The following RDH5 variants were observed in gnomAD, a reference collection of about 807,000 sequenced individuals.
RDH5 encodes the protein retinol dehydrogenase 5.
RDH5 carries 25 observed loss-of-function variants against 24.0 expected under a neutral mutation model. The ratio of observed to expected loss-of-function variants is 1.04; its 90% CI spans 0.76 to 1.46. The LOEUF is 1.46. RDH5 is among the 40% of genes most tolerant of loss of function. The probability of loss-of-function intolerance (pLI) is 0.00; values close to 1 mark genes in which losing one functional copy is unlikely to be tolerated. For missense variants in RDH5, 369 were observed against 410.3 expected, an observed-to-expected ratio of 0.90 and a Z score of 0.87; for synonymous variants, 170 against 175.2, an observed-to-expected ratio of 0.97 and a Z score of 0.23.
intron 4 of RDH5, 39 bp from the exon 5 acceptor site, chr12:55,724,283 A>G (rs769090164): frequency 6.2e-7 from 1 of 1,607,790 alleles, no homozygotes; most frequent in South Asian, 1.1e-5. Context: ...GGCTGGAGTG[A>G]GGAAGGGAAA....
In RDH5 at chr12:55,721,076, C is replaced by A; in HGVS notation, c.-32-77C>A. The A allele has an allele frequency of 1.0e-6, 1 of 969,300 alleles. No homozygotes were observed. The highest frequency in any genetic ancestry group is 1.7e-6 in the Non-Finnish European group (1 of 599,622). 60.0% of individuals were successfully genotyped at this position (969,300 alleles called of 1,614,324 possible). ...TTTCTCAATATGCTCACACCAGATGCTTCCAGCTAGGGAGGGTATTAGGGG... is the reference window on the plus strand; with the variant it reads ...TTTCTCAATATGCTCACACCAGATGATTCCAGCTAGGGAGGGTATTAGGGG... On this transcript the variant is annotated intron_variant, in intron 1 of 4. Coordinates refer to ENST00000257895, the MANE Select transcript of RDH5 (RefSeq NM_002905.5). The surrounding 1 kb of genome is among the most constrained non-coding windows in gnomAD (Gnocchi z 4.7).
chr12:55,721,705 G>T lies in RDH5; in HGVS notation c.327G>T (p.Val109=). The change falls in exon 3 of 5, where the codon GTG becomes GTT. Residue 109 remains valine (V), a synonymous_variant. Transcript: ENST00000257895. This position sits in a 1 kb window ranked among gnomAD's most constrained non-coding sequence, Gnocchi z 4.7. ...TCCCCACAGGGCTTTTTGGTCTGGT[G>T]AATAATGCTGGTGTGGCTGGTATCA... is the stretch of plus-strand genomic sequence containing the variant. ...HVKEAGLFGL[V]NNAGVAGIIG... 1 of 1,612,180 alleles carries T rather than the reference G, an allele frequency of 6.2e-7. No homozygotes were observed. The highest frequency in any genetic ancestry group is 8.5e-7 in the Non-Finnish European group (1 of 1,180,024).
intron 1 of RDH5, chr12:55,720,892 A>AAG: frequency 3.0e-6 from 1 of 338,016 alleles, no homozygotes; most frequent in Non-Finnish European, 5.5e-6. Flanking sequence ...TCAAAAAAAA[A>AAG]AAAAAAAAAA....
Position 55,723,955 on chromosome 12 carries a change from C to A in RDH5, c.639C>A (p.Thr213=), listed in dbSNP as rs750411725. The part of the protein sequence containing the change: ...VEPGFFRTPV[T]NLESLEKTLQ... ...CTGGCTTCTTCCGAACCCCTGTGAC[C>A]AACCTGGAGAGTCTGGAGAAAACCC... Residue 213 remains threonine (T), a synonymous_variant, in exon 4 of 5, where the codon ACC becomes ACA. Coordinates refer to ENST00000257895, the MANE Select transcript of RDH5 (RefSeq NM_002905.5). 2 of 1,614,154 alleles carry A rather than the reference C, an allele frequency of 1.2e-6. No homozygotes were observed. The highest frequency in any genetic ancestry group is 2.2e-5 in the South Asian group (2 of 91,090).
chr12:55,724,054 G>A lies in RDH5; in HGVS notation c.733+5G>A. 1 of 1,608,034 alleles carries A rather than the reference G, an allele frequency of 6.2e-7. No individual in the cohort carries two copies. The highest frequency in any genetic ancestry group is 8.5e-7 in the Non-Finnish European group (1 of 1,179,324). On this transcript the variant is annotated splice_donor_5th_base_variant and intron_variant, in intron 4 of 4. Transcript: ENST00000257895. Reference sequence around the variant, plus strand: ...GGGGGGCCTTCCTCACCAAGTGTGAGTAGCCAGGCCCACACAGGGGCACAT... The same window carrying A: ...GGGGGGCCTTCCTCACCAAGTGTGAATAGCCAGGCCCACACAGGGGCACAT...
In RDH5 at chr12:55,721,194, C is replaced by T; in HGVS notation, c.10C>T (p.Pro4Ser). 1 of 1,613,966 alleles carries T rather than the reference C, an allele frequency of 6.2e-7. No individual in the cohort carries two copies. Among genetic ancestry groups the T allele is most frequent in the Non-Finnish European group, 8.5e-7 (1 of 1,180,042 alleles). ...CACTTGGGCTCCAGCTATGTGGCTG[C>T]CTCTTCTGCTGGGTGCCTTACTCTG... MWL[P>S]LLLGALLWAV... The change falls in exon 2 of 5, where the codon CCT (proline) becomes TCT (serine). Residue 4 changes from proline to serine, a missense_variant. Physicochemically the swap from Pro to Ser is moderately conservative, Grantham distance 74. Transcript: ENST00000257895. This position sits in a 1 kb window ranked among gnomAD's most constrained non-coding sequence, Gnocchi z 4.7.
In RDH5 at chr12:55,723,888, G is replaced by A. The variant is rs367757406; in HGVS notation, c.572G>A (p.Arg191Gln). Reference sequence around the variant, plus strand: ...ACTTCGCTCTGCCCCGACTCTAGGCGGGATGTAGCTCATTTTGGGATACGA... The same window carrying A: ...ACTTCGCTCTGCCCCGACTCTAGGCAGGATGTAGCTCATTTTGGGATACGA... ...GLEAFSDSLR[R>Q]DVAHFGIRVS... is the part of the protein sequence containing the mutation. The change falls in exon 4 of 5, where the codon CGG becomes CAG. Residue 191 changes from arginine to glutamine, a missense_variant and splice_region_variant. By Grantham distance (43) the Arg-to-Gln change is conservative (BLOSUM62 1). Transcript: ENST00000257895. 21 of 1,613,648 alleles carry A rather than the reference G, an allele frequency of 1.3e-5. No homozygotes were observed. Among genetic ancestry groups the A allele is most frequent in the African/African-American group, 6.7e-5 (5 of 74,942 alleles).
In RDH5 at chr12:55,721,809, C is replaced by T; in HGVS notation, c.431C>T (p.Thr144Ile). The T allele has an allele frequency of 3.7e-6, 6 of 1,614,056 alleles. No homozygotes were observed. Among genetic ancestry groups the T allele is most frequent in the Non-Finnish European group, 5.1e-6 (6 of 1,180,032 alleles). The change falls in exon 3 of 5, where the codon ACC becomes ATC. Residue 144 changes from threonine to isoleucine, a missense_variant. Coordinates refer to ENST00000257895, the MANE Select transcript of RDH5 (RefSeq NM_002905.5). The surrounding 1 kb of genome is among the most constrained non-coding windows in gnomAD (Gnocchi z 4.7). ...NVNTMGPIGV[T>I]LALLPLLQQA... ...AACACAATGGGTCCCATCGGGGTCA[C>T]CCTTGCCCTGCTGCCTCTGCTGCAG...
Position 55,724,676 on chromosome 12 carries a change from A to C in RDH5, c.*131A>C. On this transcript the variant is annotated 3_prime_UTR_variant, in exon 5 of 5. Coordinates refer to ENST00000257895, the MANE Select transcript of RDH5 (RefSeq NM_002905.5). ...AAAGTGTATTGTTTAAAAAATAAAA[A>C]GAAGGTGGGCAGAAATGTGCCCAGT... is the stretch of plus-strand genomic sequence containing the variant. 1.1e-6 allele frequency: 1 copy of C among 932,740 alleles called. No individual in the cohort carries two copies. The highest frequency in any genetic ancestry group is 1.4e-5 in the South Asian group (1 of 71,574). 57.8% of individuals were successfully genotyped at this position (932,740 alleles called of 1,614,324 possible). A position where few individuals can be genotyped will look rare whatever the true frequency, so the allele number is the denominator to read the frequency against.
intron 4 of RDH5, 89 bp from the exon 5 acceptor site, chr12:55,724,233 G>A (rs1877084724): frequency 2.6e-6 from 4 of 1,518,374 alleles, no homozygotes; most frequent in African/African-American, 2.7e-5. Context: ...GGGGACTGAG[G>A]GTGACAAGCC....
rs762360614 is a variant in RDH5 at position 55,721,769 on chromosome 12, C to A, written c.391C>A (p.Arg131=). The part of the protein sequence containing the change: ...TPWLTRDDFQ[R]VLNVNTMGPI... Reference sequence around the variant, plus strand: ...ATGGCTGACCCGGGACGATTTCCAGCGGGTGCTGAATGTGAACACAATGGG... The same window carrying A: ...ATGGCTGACCCGGGACGATTTCCAGAGGGTGCTGAATGTGAACACAATGGG... The change falls in exon 3 of 5, where the codon CGG becomes AGG. Residue 131 remains arginine (R), a synonymous_variant. Coordinates refer to ENST00000257895, the MANE Select transcript of RDH5 (RefSeq NM_002905.5). The surrounding 1 kb of genome is among the most constrained non-coding windows in gnomAD (Gnocchi z 4.7). 3 of 1,613,952 alleles carry A rather than the reference C, an allele frequency of 1.9e-6. No homozygotes were observed. The highest frequency in any genetic ancestry group is 2.5e-6 in the Non-Finnish European group (3 of 1,180,016).
Position 55,721,760 on chromosome 12 carries a change from G to A in RDH5, c.382G>A (p.Asp128Asn), listed in dbSNP as rs377029071. ...ACCCACACCATGGCTGACCCGGGAC[G>A]ATTTCCAGCGGGTGCTGAATGTGAA... ...IGPTPWLTRD[D>N]FQRVLNVNTM... The change falls in exon 3 of 5, where the codon GAT (aspartate) becomes AAT (asparagine). Residue 128 changes from aspartate (D) to asparagine (N), a missense_variant. Physicochemically the swap from Asp to Asn is conservative, Grantham distance 23. Coordinates refer to ENST00000257895, the MANE Select transcript of RDH5 (RefSeq NM_002905.5). This position sits in a 1 kb window ranked among gnomAD's most constrained non-coding sequence, Gnocchi z 4.7. The A allele has an allele frequency of 2.3e-5, 37 of 1,613,880 alleles. No individual in the cohort carries two copies. Among genetic ancestry groups the A allele is most frequent in the Middle Eastern group, 1.7e-4 (1 of 6,060 alleles).
intron 3 of RDH5, chr12:55,722,152 TTTG>T: frequency 1.7e-6 from 1 of 584,574 alleles, no homozygotes; most frequent in South Asian, 2.3e-5. Flanking sequence ...TTTTAACGTG[TTTG>T]TTTTTTGTTT....
chr12:55,721,907 G>C lies in RDH5; in HGVS notation c.529G>C (p.Val177Leu). 2.5e-6 allele frequency: 4 copies of C among 1,613,540 alleles called. No homozygotes were observed. The highest frequency in any genetic ancestry group is 3.4e-6 in the Non-Finnish European group (4 of 1,179,730). ...RLAANGGGYC[V>L]SKFGLEAFSD... ...GGCAGCCAATGGTGGGGGCTACTGT[G>C]TCTCCAAATTTGGCCTGGAGGCCTT... Residue 177 changes from valine (V) to leucine (L), a missense_variant, in exon 3 of 5, where the codon GTC becomes CTC. Val to Leu is a conservative substitution (Grantham distance 32). Coordinates refer to ENST00000257895, the MANE Select transcript of RDH5 (RefSeq NM_002905.5). The surrounding 1 kb of genome is among the most constrained non-coding windows in gnomAD (Gnocchi z 4.7).
At chr12:55,722,181 T>C (rs1236667281) in intron 3 of RDH5, 6 of 511,656 alleles carry the variant, frequency 1.2e-5, no homozygotes, top group Non-Finnish European at 2.1e-5. Context: ...GATGGAGTCT[T>C]GCTCTGTCGC....
In RDH5 at chr12:55,723,884, A is replaced by C; in HGVS notation, c.570-2A>C. 1 of 1,613,608 alleles carries C rather than the reference A, an allele frequency of 6.2e-7. No individual in the cohort carries two copies. The highest frequency in any genetic ancestry group is 1.3e-5 in the African/African-American group (1 of 75,026). ...AGCAACTTCGCTCTGCCCCGACTCT[A>C]GGCGGGATGTAGCTCATTTTGGGAT... is the stretch of plus-strand genomic sequence containing the variant. On this transcript the variant is annotated splice_acceptor_variant, in intron 3 of 4. Coordinates refer to ENST00000257895, the MANE Select transcript of RDH5 (RefSeq NM_002905.5). LOFTEE classifies it high-confidence loss of function.
At chr12:55,723,665 G>GA (rs1877035338) in intron 3 of RDH5, 8 of 572,500 alleles carry the variant, frequency 1.4e-5, no homozygotes, top group South Asian at 1.0e-4. Flanking sequence ...GGCCCTTTAA[G>GA]AAAAAAACGT....
Position 55,724,591 on chromosome 12 carries a change from G to A in RDH5, c.*46G>A, listed in dbSNP as rs1305952927. The A allele has an allele frequency of 1.9e-6, 3 of 1,557,648 alleles. No homozygotes were observed. Among genetic ancestry groups the A allele is most frequent in the Non-Finnish European group, 2.6e-6 (3 of 1,140,034 alleles). On this transcript the variant is annotated 3_prime_UTR_variant, in exon 5 of 5. Transcript: ENST00000257895. ...ATTGTTTTTCAAGGACAAGGACTTTGATTTATTTCTGCCCCCACCCTGGTA... is the reference window on the plus strand; with the variant it reads ...ATTGTTTTTCAAGGACAAGGACTTTAATTTATTTCTGCCCCCACCCTGGTA...
intron 3 of RDH5, chr12:55,723,642 AT>A (rs1352300593): frequency 5.7e-6 from 3 of 524,912 alleles, no homozygotes; most frequent in Non-Finnish European, 1.0e-5. Context: ...CATGCTTAAA[AT>A]ATTAACTCTC....
Sources: gnomAD v4.1 joint callset for allele counts on GRCh38, gnomAD v4.1.1 for gene constraint, Gnocchi (gnomAD v3.1) non-coding constraint, MANE v1.5 for transcripts, NCBI Gene and HGNC (gene_info 2026-07-23, HGNC 2026-07-21) for gene names.